The following ULK1 variants were observed in gnomAD, a reference collection of about 807,000 sequenced individuals.
ULK1 encodes the protein unc-51 like autophagy activating kinase 1.
A neutral mutation model predicts 117.5 loss-of-function variants in ULK1; 48 were observed. The ratio of observed to expected loss-of-function variants is 0.41; its 90% CI spans 0.32 to 0.52. The LOEUF is 0.52. ULK1 is among the 20% of genes least tolerant of loss of function. The pLI is 0.29. For synonymous variants in ULK1, 790 were observed against 637.8 expected, an observed-to-expected ratio of 1.24 and a Z score of -3.60; for missense variants, 1,387 against 1,473.4, an observed-to-expected ratio of 0.94 and a Z score of 0.96.
Position 131,914,337 on chromosome 12 carries a change from C to G in ULK1, c.1248-15C>G. On this transcript the variant is annotated splice_polypyrimidine_tract_variant and intron_variant, in intron 15 of 27. Transcript: ENST00000321867. ...CCCCAGTGTCTGTCATGATCCTGAC[C>G]TCTCTCCACCACAGCCGGGCTGGCC... 1.2e-6 allele frequency: 2 copies of G among 1,607,208 alleles called. No homozygotes were observed. Among genetic ancestry groups the G allele is most frequent in the Middle Eastern group, 1.7e-4 (1 of 6,060 alleles).
chr12:131,901,830 T>C (rs971556853), intron 3 of ULK1, among the ~76,000 whole-genome samples: 2 of 151,984 alleles, frequency 1.3e-5, no homozygotes, highest in Non-Finnish European at 2.9e-5. Flanking sequence ...TGGCCGGGTC[T>C]CGGGGGGAAT....
chr12:131,919,661 CAG>C (rs1890060810), intron 25 of ULK1, 71 bp downstream of exon 25: 1 of 1,532,636 alleles, frequency 6.5e-7, no homozygotes, highest in Non-Finnish European at 8.9e-7. Flanking sequence ...GCCTGGGTGA[CAG>C]GGTAACAGGG....
intron 3 of ULK1, among the ~76,000 whole-genome samples, chr12:131,905,815 G>T (rs964208049): frequency 6.6e-6 from 1 of 152,190 alleles, no homozygotes; most frequent in African/African-American, 2.4e-5. Context: ...GGCCGTTGGG[G>T]TGTGTGCTGT....
intron 7 of ULK1, 58 bp from the exon 8 acceptor site, chr12:131,909,078 G>A: frequency 6.2e-7 from 1 of 1,604,448 alleles, no homozygotes. Context: ...GGCCTGGCGG[G>A]CACCTTCTGT....
intron 25 of ULK1, 117 bp from the exon 26 acceptor site, chr12:131,919,862 C>A: frequency 7.0e-7 from 1 of 1,436,952 alleles, no homozygotes; most frequent in Non-Finnish European, 9.4e-7. Flanking sequence ...CACGGGGAGC[C>A]AGGGCTGTGG....
rs372005314 is a variant in ULK1, at chr12:131,915,235, C to T, written c.1522+4C>T. 38 of 1,601,436 alleles carry T rather than the reference C, an allele frequency of 2.4e-5. No individual in the cohort carries two copies. In the Middle Eastern group the frequency reaches 8.3e-4, roughly 35 times the overall value. On this transcript the variant is annotated splice_donor_region_variant and intron_variant, in intron 17 of 27. Transcript: ENST00000321867. ...CCCTACACGCCATCTCCTCAAGGTGCGCCTGCAGGCTGGGGCCTGGGAAGG... is the reference window on the plus strand; with the variant it reads ...CCCTACACGCCATCTCCTCAAGGTGTGCCTGCAGGCTGGGGCCTGGGAAGG...
intron 12 of ULK1, 65 bp from the exon 13 acceptor site, chr12:131,911,877 G>T: frequency 1.9e-6 from 3 of 1,610,016 alleles, no homozygotes; most frequent in South Asian, 1.1e-5. Flanking sequence ...CCAGGAGGGG[G>T]AATTTGCTCC....
Position 131,921,315 on chromosome 12 carries a change from G to A in ULK1, c.3107G>A (p.Cys1036Tyr), listed in dbSNP as rs1265382203. 2 of 1,607,310 alleles carry A rather than the reference G, an allele frequency of 1.2e-6. No individual in the cohort carries two copies. Among genetic ancestry groups the A allele is most frequent in the Non-Finnish European group, 1.7e-6 (2 of 1,179,954 alleles). The change falls in exon 28 of 28, where the codon TGC becomes TAC. Residue 1036 changes from cysteine to tyrosine, a missense_variant. By Grantham distance (194) the Cys-to-Tyr change is radical. Transcript: ENST00000321867. Reference protein sequence around the residue: ...DIENVTKCKLCIERRLSALLT... With the variant: ...DIENVTKCKLYIERRLSALLT... Reference sequence around the variant, plus strand: ...CCCTCTCCCTCCACAGGCAAGCTGTGCATTGAGCGGAGACTCTCGGCGCTG... The same window carrying A: ...CCCTCTCCCTCCACAGGCAAGCTGTACATTGAGCGGAGACTCTCGGCGCTG...
chr12:131,911,851 G>A, intron 12 of ULK1, 91 bp from the exon 13 acceptor site: 1 of 1,577,302 alleles, frequency 6.3e-7, no homozygotes, highest in Non-Finnish European at 8.6e-7. Flanking sequence ...GATCTTTACT[G>A]GGGCTCTGGG....
At chr12:131,909,362 G>A (rs1889419039) in intron 8 of ULK1, 125 bp downstream of exon 8, 2 of 1,147,278 alleles carry the variant, frequency 1.7e-6, no homozygotes, top group African/African-American at 1.6e-5. Flanking sequence ...TGGCTGGCGG[G>A]GCGGGCGTCC....
In ULK1 at chr12:131,913,946, T is replaced by G. The variant is rs552756156; in HGVS notation, c.1247+110T>G. On this transcript the variant is annotated intron_variant, in intron 15 of 27. Coordinates refer to ENST00000321867, the MANE Select transcript of ULK1 (RefSeq NM_003565.4). Reference sequence around the variant, plus strand: ...CAGGCCTGCTGTGTCCAGAGGCCCCTGCCTTCTTCTCCCAGGCCTCGCAGG... The same window carrying G: ...CAGGCCTGCTGTGTCCAGAGGCCCCGGCCTTCTTCTCCCAGGCCTCGCAGG... The G allele has an allele frequency of 5.0e-6, 5 of 991,558 alleles. No homozygotes were observed. In the South Asian group the frequency reaches 6.9e-5, roughly 14 times the overall value. 61.4% of individuals were successfully genotyped at this position (991,558 alleles called of 1,614,324 possible). A position where few individuals can be genotyped will look rare whatever the true frequency, so the allele number is the denominator to read the frequency against.
chr12:131,906,296 G>A (rs1366336078), intron 3 of ULK1, among the ~76,000 whole-genome samples: 5 of 152,146 alleles, frequency 3.3e-5, no homozygotes, highest in African/African-American at 1.2e-4. Context: ...TCACCATGTT[G>A]GTCAGGCTGG....
At chr12:131,905,330 C>A (rs925498948) in intron 3 of ULK1, among the ~76,000 whole-genome samples, 6 of 152,116 alleles carry the variant, frequency 3.9e-5, no homozygotes, top group African/African-American at 1.2e-4. Context: ...GGCTGTCCCC[C>A]CCACCAGGGG....
chr12:131,915,360 C>T lies in ULK1; in HGVS notation c.1548C>T (p.Gly516=). Residue 516 remains glycine (G), a synonymous_variant, in exon 18 of 28, where the codon GGC becomes GGT. Coordinates refer to ENST00000321867, the MANE Select transcript of ULK1 (RefSeq NM_003565.4). ...TTGGAACCATCCCTGAGCGGCCAGGCTGGAGCGGGACGCCCTCCCCACAGG... is the reference window on the plus strand; with the variant it reads ...TTGGAACCATCCCTGAGCGGCCAGGTTGGAGCGGGACGCCCTCCCCACAGG... ...PQVGTIPERP[G]WSGTPSPQGA... is the part of the protein sequence containing the mutation. The T allele has an allele frequency of 6.2e-7, 1 of 1,612,844 alleles. No homozygotes were observed. The highest frequency in any genetic ancestry group is 8.5e-7 in the Non-Finnish European group (1 of 1,179,978).
At chr12:131,905,583 G>C (rs1889242390) in intron 3 of ULK1, among the ~76,000 whole-genome samples, 2 of 152,194 alleles carry the variant, frequency 1.3e-5, no homozygotes, top group African/African-American at 4.8e-5. Flanking sequence ...GAGGGAGGGG[G>C]CTTTGTGTGG....
intron 3 of ULK1, among the ~76,000 whole-genome samples, chr12:131,898,942 G>C (rs1450756100): frequency 2.9e-5 from 4 of 137,080 alleles, no homozygotes; most frequent in East Asian, 2.3e-4. Flanking sequence ...GCAGTGGCGC[G>C]ATCTTGGCTC....
At chr12:131,914,725 C>T (rs1252651629) in intron 16 of ULK1, among the ~76,000 whole-genome samples, 2 of 152,220 alleles carry the variant, frequency 1.3e-5, no homozygotes, top group African/African-American at 4.8e-5. Context: ...TTTTAACAGA[C>T]AGAAGTAAAT....
chr12:131,912,229 C>A, intron 13 of ULK1, 140 bp downstream of exon 13: 2 of 1,344,568 alleles, frequency 1.5e-6, no homozygotes, highest in Non-Finnish European at 9.9e-7. Flanking sequence ...CGGCATCGGC[C>A]CAGCTTGGTT....
chr12:131,918,429 G>A, intron 22 of ULK1, 68 bp from the exon 23 acceptor site: 4 of 1,523,122 alleles, frequency 2.6e-6, no homozygotes, highest in Non-Finnish European at 3.5e-6. Flanking sequence ...GTGGGAGTCT[G>A]TGGGGGATGG....
Sources: gnomAD v4.1 joint callset for allele counts (sites outside exome capture counted in the v4.1 genomes callset) on GRCh38, gnomAD v4.1.1 for gene constraint, MANE v1.5 for transcripts, NCBI Gene and HGNC (gene_info 2026-07-23, HGNC 2026-07-21) for gene names.